The following UHRF2 variants were observed in gnomAD, a reference collection of about 807,000 sequenced individuals.
UHRF2 encodes ubiquitin like with PHD and ring finger domains 2.
Under a neutral mutation model 96.8 loss-of-function variants are expected in UHRF2, and 23 were observed. The observed-to-expected ratio is 0.24, with a 90% confidence interval of 0.17 to 0.34. The LOEUF (loss-of-function observed/expected upper bound fraction) is 0.34, where lower values mean the gene tolerates loss of function less well. Among genes scored for constraint, UHRF2 ranks in the 10% least tolerant of loss-of-function variants. The pLI is 1.00. For missense variants in UHRF2, 685 were observed against 981.5 expected (o/e 0.70, Z 4.04); for synonymous variants, 385 against 332.6 (o/e 1.16, Z -1.72).
At chr9:6,448,008 C>T (rs539751129) in intron 3 of UHRF2, among the ~76,000 whole-genome samples, 2 of 152,282 alleles carry the variant, frequency 1.3e-5, no homozygotes, top group South Asian at 4.1e-4. Flanking sequence ...GGAAAGAAGA[C>T]ATGCTCTCCA....
chr9:6,446,291 C>G (rs1821498963), intron 3 of UHRF2, among the ~76,000 whole-genome samples: 1 of 151,948 alleles, frequency 6.6e-6, no homozygotes, highest in African/African-American at 2.4e-5. Context: ...GATGGAATTA[C>G]AGGCGTGTGC....
intron 4 of UHRF2, among the ~76,000 whole-genome samples, chr9:6,462,844 G>A (rs545495277): frequency 6.6e-6 from 1 of 152,292 alleles, no homozygotes; most frequent in Admixed American, 6.5e-5. Context: ...TTGAACCCAC[G>A]AGGCAGAGGT....
intron 2 of UHRF2, among the ~76,000 whole-genome samples, chr9:6,421,831 C>G (rs563300059): frequency 6.6e-6 from 1 of 152,216 alleles, no homozygotes; most frequent in East Asian, 1.9e-4. Flanking sequence ...ATTTTTGCTA[C>G]TTACGTATAT....
At chr9:6,463,209 A>G (rs974915297) in intron 4 of UHRF2, among the ~76,000 whole-genome samples, 2 of 151,960 alleles carry the variant, frequency 1.3e-5, no homozygotes, top group Admixed American at 6.6e-5. Context: ...TGAACCTGGG[A>G]GGCGCAGATT....
chr9:6,487,180 TCC>T lies in UHRF2; in HGVS notation c.1497+256_1497+257del, dbSNP rs1421345719. On this transcript the variant is annotated intron_variant, in intron 9 of 15. Transcript: ENST00000276893. ...TCTCTATAGAGCTTTTATTTTTTTT[TCC>T]TTTTTTTTTTTTTTTTTTTTTTTTT... Among the ~76,000 whole-genome samples, 1,204 of 141,486 alleles carry T rather than the reference TCC, an allele frequency of 8.5e-3. 32 individuals carry two copies. Among genetic ancestry groups the T allele is most frequent in the African/African-American group, 0.031 (1,129 of 36,736 alleles). 92.8% of individuals were successfully genotyped at this position (141,486 alleles called of 152,430 possible).
intron 9 of UHRF2, among the ~76,000 whole-genome samples, chr9:6,487,182 C>CTTTTTTTTTTTTTTTTTTT (rs1171978950): frequency 1.1e-4 from 8 of 69,584 alleles, no homozygotes; most frequent in African/African-American, 3.2e-4. Flanking sequence ...TTTTTTTTTC[C>CTTTTTTTTTTTTTTTTTTT]TTTTTTTTTT....
intron 2 of UHRF2, among the ~76,000 whole-genome samples, chr9:6,423,838 C>A (rs769756013): frequency 1.3e-5 from 2 of 151,586 alleles, no homozygotes; most frequent in Non-Finnish European, 1.5e-5. Flanking sequence ...CCAGCTACTC[C>A]GGAGGCTGAG....
rs1474994193 is a variant in UHRF2 at position 6,475,274 on chromosome 9, A to G, written c.864-117A>G. On this transcript the variant is annotated intron_variant, in intron 4 of 15. Transcript: ENST00000276893. ...AGTTCAGAATGATTGGAATAGCTCT[A>G]ATCTCAATTTATAAATAGACAGATT... 1.1e-5 allele frequency: 6 copies of G among 540,880 alleles called. No individual in the cohort carries two copies. In the Admixed American group the frequency reaches 1.2e-4, roughly 11 times the overall value. The allele number at this position is 540,880 out of a possible 1,614,324, so 33.5% of individuals were successfully genotyped here. A position where few individuals can be genotyped will look rare whatever the true frequency, so the allele number is the denominator to read the frequency against.
intron 13 of UHRF2, 25 bp downstream of exon 13, chr9:6,499,956 ATAAT>A (rs1169573204): frequency 6.6e-7 from 1 of 1,511,782 alleles, no homozygotes; most frequent in South Asian, 1.2e-5. Flanking sequence ...CAAAATATAA[ATAAT>A]AATAACATAC....
At chr9:6,499,224 A>T (rs1234905218) in intron 12 of UHRF2, 1 of 152,334 alleles carries the variant, frequency 6.6e-6, no homozygotes, top group Admixed American at 6.5e-5. Context: ...CATGACTGTT[A>T]TTACAAAGCA....
chr9:6,447,469 T>A (rs1821586471), intron 3 of UHRF2, among the ~76,000 whole-genome samples: 1 of 152,116 alleles, frequency 6.6e-6, no homozygotes, highest in South Asian at 2.1e-4. Flanking sequence ...GAGGAGATAT[T>A]TTAGTTCCTG....
chr9:6,503,734 A>G (rs534482475), intron 14 of UHRF2, among the ~76,000 whole-genome samples: 1 of 152,300 alleles, frequency 6.6e-6, no homozygotes, highest in African/African-American at 2.4e-5. Context: ...ATACTTTGGA[A>G]TACTGTGCAA....
chr9:6,459,475 C>G (rs1822392634), intron 3 of UHRF2, among the ~76,000 whole-genome samples: 1 of 152,056 alleles, frequency 6.6e-6, no homozygotes. Context: ...TCGAGACCAG[C>G]CTGGCCAACA....
At chr9:6,481,314 T>G (rs1823914402) in intron 6 of UHRF2, among the ~76,000 whole-genome samples, 1 of 152,210 alleles carries the variant, frequency 6.6e-6, no homozygotes, top group Non-Finnish European at 1.5e-5. Flanking sequence ...TAGCTACTTT[T>G]GTTTTAATGA....
chr9:6,430,537 C>G (rs574184843), intron 2 of UHRF2, among the ~76,000 whole-genome samples: 10 of 152,206 alleles, frequency 6.6e-5, no homozygotes, highest in African/African-American at 2.2e-4. Context: ...AGATAGTAAA[C>G]AGCTGATCAG....
At chr9:6,444,172 G>T (rs369875848) in intron 3 of UHRF2, among the ~76,000 whole-genome samples, 2 of 152,218 alleles carry the variant, frequency 1.3e-5, no homozygotes, top group East Asian at 3.8e-4. Flanking sequence ...TCAGTCTTGA[G>T]TACAGGAGGG....
intron 3 of UHRF2, among the ~76,000 whole-genome samples, chr9:6,445,825 A>G (rs1821452064): frequency 6.6e-6 from 1 of 152,052 alleles, no homozygotes; most frequent in Non-Finnish European, 1.5e-5. Flanking sequence ...TGGCCTCCCA[A>G]AGTGCTGGGC....
At chr9:6,498,330 A>G (rs1825082805) in intron 12 of UHRF2, 172 bp downstream of exon 12, 10 of 697,360 alleles carry the variant, frequency 1.4e-5, no homozygotes, top group Non-Finnish European at 1.9e-5. Context: ...GTAGTATCCT[A>G]GATGTCAGAC....
intron 4 of UHRF2, 73 bp downstream of exon 4, chr9:6,460,864 G>A (rs895041037): frequency 1.8e-5 from 21 of 1,188,844 alleles, no homozygotes; most frequent in African/African-American, 1.2e-4. Context: ...TATTAAGCAC[G>A]TGTACCTTAG....
Sources: allele counts gnomAD v4.1 joint callset (sites outside exome capture counted in the v4.1 genomes callset), GRCh38; gene constraint gnomAD v4.1.1; transcripts MANE v1.5; gene names NCBI Gene and HGNC (gene_info 2026-07-23, HGNC 2026-07-21).